The following PUS3 variants were observed in gnomAD, a reference collection of about 807,000 sequenced individuals.
PUS3 encodes tRNA pseudouridine(38/39) synthase.
Under a neutral mutation model 43.3 loss-of-function variants are expected in PUS3, and 36 were observed. The observed-to-expected ratio is 0.83, with a 90% CI of 0.64 to 1.10. The LOEUF (loss-of-function observed/expected upper bound fraction) is 1.10, where lower values mean the gene tolerates loss of function less well. PUS3 is among the 50% of genes least tolerant of loss of function. The pLI is 0.00. For missense variants in PUS3, 544 were observed against 589.9 expected (o/e 0.92, Z 0.81); for synonymous variants, 183 against 199.2 (o/e 0.92, Z 0.69).
intron 1 of PUS3, among the ~76,000 whole-genome samples, chr11:125,898,571 G>A (rs756383250): frequency 1.8e-4 from 27 of 151,966 alleles, no homozygotes; most frequent in Non-Finnish European, 2.8e-4. Flanking sequence ...CAGTTACTCC[G>A]GAGTCTTAGA....
chr11:125,900,516 T>C, intron 1 of PUS3: 1 of 496,616 alleles, frequency 2.0e-6, no homozygotes, highest in Non-Finnish European at 3.7e-6. Context: ...TCTTTCTATT[T>C]TGTCAAATTA....
chr11:125,895,449 G>C lies in PUS3; in HGVS notation c.719C>G (p.Thr240Ser). The change falls in exon 3 of 4, where the codon ACT becomes AGT. Residue 240 changes from threonine (T) to serine (S), a missense_variant. Transcript: ENST00000227474. The stretch of plus-strand genomic sequence containing the variant: ...TAGCTGTACTTGAGCAGATAGAATA[G>C]TCCTCTGAAAATTAATCACACCGTT... The part of the protein sequence containing the change: ...VANGVINFQR[T>S]ILSAQVQLVG... The C allele has an allele frequency of 6.2e-7, 1 of 1,614,104 alleles. No individual in the cohort carries two copies. The highest frequency in any genetic ancestry group is 8.5e-7 in the Non-Finnish European group (1 of 1,180,018).
intron 1 of PUS3, among the ~76,000 whole-genome samples, chr11:125,902,599 T>TAAAA (rs55792535): frequency 0.16 from 19,164 of 116,966 alleles, 1,969 homozygotes; most frequent in Admixed American, 0.24. Flanking sequence ...GCGACAGTCT[T>TAAAA]AAAAAAAAAA....
chr11:125,896,466 T>A, intron 1 of PUS3, 136 bp from the exon 2 acceptor site: 1 of 628,596 alleles, frequency 1.6e-6, no homozygotes, highest in Non-Finnish European at 2.7e-6. Context: ...AGCTTTATTG[T>A]GGGTTGATCA....
chr11:125,896,857 C>T (rs1166784893), intron 1 of PUS3, among the ~76,000 whole-genome samples: 1 of 152,064 alleles, frequency 6.6e-6, no homozygotes, highest in Non-Finnish European at 1.5e-5. Context: ...ACTGAAGAAG[C>T]TTACCGATGG....
Position 125,895,683 on chromosome 11 carries a change from T to G in PUS3, c.485A>C (p.His162Pro), listed in dbSNP as rs1944561133. ...NAAAEEIRYT[H>P]ILNRVLPPDI... is the part of the protein sequence containing the mutation. ...TGGAGGGAGTACCCGATTGAGAATG[T>G]GGGTATAACGGATCTCTTCAGCAGC... Residue 162 changes from histidine (H) to proline (P), a missense_variant, in exon 3 of 4, where the codon CAC becomes CCC. His to Pro is a moderately conservative substitution (Grantham distance 77). Coordinates refer to ENST00000227474, the MANE Select transcript of PUS3 (RefSeq NM_031307.4). 7 of 1,614,026 alleles carry G rather than the reference T, an allele frequency of 4.3e-6. No individual in the cohort carries two copies. In the East Asian group the frequency reaches 1.6e-4, roughly 36 times the overall value.
Position 125,899,031 on chromosome 11 carries a change from G to A in PUS3, c.-46-2701C>T, listed in dbSNP as rs529457. 212,023 of 253,528 alleles carry A rather than the reference G, an allele frequency of 0.84. 89,501 individuals carry two copies. Among genetic ancestry groups the A allele is most frequent in the Admixed American group, 0.9 (18,472 of 20,586 alleles). The allele number at this position is 253,528 out of a possible 1,614,324, so 15.7% of individuals were successfully genotyped here. A position where few individuals can be genotyped will look rare whatever the true frequency, so the allele number is the denominator to read the frequency against. ...TCCCTAAGTACCTGTTACATAATGTGCATTAAGCAGTATGCCCCATATCAT... is the reference window on the plus strand; with the variant it reads ...TCCCTAAGTACCTGTTACATAATGTACATTAAGCAGTATGCCCCATATCAT... On this transcript the variant is annotated intron_variant, in intron 1 of 3. Coordinates refer to ENST00000227474, the MANE Select transcript of PUS3 (RefSeq NM_031307.4).
Position 125,895,537 on chromosome 11 carries a change from A to G in PUS3, c.631T>C (p.Tyr211His), listed in dbSNP as rs1251498903. 1 of 1,614,206 alleles carries G rather than the reference A, an allele frequency of 6.2e-7. No homozygotes were observed. The highest frequency in any genetic ancestry group is 1.1e-5 in the South Asian group (1 of 91,088). Residue 211 changes from tyrosine to histidine, a missense_variant, in exon 3 of 4, where the codon TAT becomes CAT. By Grantham distance (83) the Tyr-to-His change is moderately conservative. Coordinates refer to ENST00000227474, the MANE Select transcript of PUS3 (RefSeq NM_031307.4). ...GTGCCAACATACTTCTGAGCTGCAT[A>G]ATCCATGGTTACAATATCTAAATCA... is the stretch of plus-strand genomic sequence containing the variant. ...RADLDIVTMD[Y>H]AAQKYVGTHD...
rs200193394 is a variant in PUS3, at chr11:125,894,073, T to C, written c.1158A>G (p.Thr386=). ...CGIGPKMDGM[T]EWGNVKPSVI... is the part of the protein sequence containing the mutation. The stretch of plus-strand genomic sequence containing the variant: ...CAGAGGGCTTAACATTTCCCCATTC[T>C]GTCATTCCATCCATCTTTGGTCCTA... Residue 386 remains threonine, a synonymous_variant, in exon 4 of 4, where the codon ACA becomes ACG. Coordinates refer to ENST00000227474, the MANE Select transcript of PUS3 (RefSeq NM_031307.4). 2.5e-6 allele frequency: 4 copies of C among 1,614,204 alleles called. No individual in the cohort carries two copies. The African/African-American group carries it at 4.0e-5, about 16-fold the overall frequency.
At chr11:125,899,544 G>T in intron 1 of PUS3, 1 of 1,614,122 alleles carries the variant, frequency 6.2e-7, no homozygotes, top group Non-Finnish European at 8.5e-7. Flanking sequence ...GTAGCCCCAG[G>T]GAAGCGACCT....
Position 125,896,257 on chromosome 11 carries a change from G to A in PUS3, c.28C>T (p.Gln10Ter). The A allele has an allele frequency of 6.2e-7, 1 of 1,612,150 alleles. No homozygotes were observed. The highest frequency in any genetic ancestry group is 8.5e-7 in the Non-Finnish European group (1 of 1,178,482). MAYNDTDRN[Q>*]TEKLLKRVRE... ...ACTCTTTTTAGGAGCTTCTCAGTCTGGTTTCTGTCTGTGTCATTATAAGCC... is the reference window on the plus strand; with the variant it reads ...ACTCTTTTTAGGAGCTTCTCAGTCTAGTTTCTGTCTGTGTCATTATAAGCC... Residue 10 changes from glutamine (Q) to a stop codon, truncating the protein, a stop_gained, in exon 2 of 4, where the codon CAG becomes TAG. Transcript: ENST00000227474. LOFTEE classifies it high-confidence loss of function.
At chr11:125,898,077 A>C (rs561252149) in intron 1 of PUS3, among the ~76,000 whole-genome samples, 1 of 152,202 alleles carries the variant, frequency 6.6e-6, no homozygotes, top group Non-Finnish European at 1.5e-5. Flanking sequence ...AGAGTTGTGT[A>C]GTGTTGTCCT....
chr11:125,900,073 G>A, intron 1 of PUS3: 1 of 1,614,194 alleles, frequency 6.2e-7, no homozygotes, highest in East Asian at 2.2e-5. Context: ...ATCATAGAAA[G>A]GAATTACGCT....
At chr11:125,901,580 C>T (rs1202330755) in intron 1 of PUS3, among the ~76,000 whole-genome samples, 5 of 152,156 alleles carry the variant, frequency 3.3e-5, no homozygotes, top group Non-Finnish European at 5.9e-5. Context: ...TGACCTTGAC[C>T]GTTACTATCT....
intron 1 of PUS3, among the ~76,000 whole-genome samples, chr11:125,898,821 GA>G (rs1328991632): frequency 6.6e-6 from 1 of 151,836 alleles, no homozygotes; most frequent in African/African-American, 2.4e-5. Context: ...GACTCAGTCT[GA>G]AGCCAAACTG....
chr11:125,901,987 A>G (rs1237837615), intron 1 of PUS3, among the ~76,000 whole-genome samples: 2 of 152,170 alleles, frequency 1.3e-5, no homozygotes, highest in Non-Finnish European at 2.9e-5. Context: ...TTAACATGCA[A>G]AACACTCCAG....
intron 1 of PUS3, among the ~76,000 whole-genome samples, chr11:125,901,002 C>CT (rs1944756275): frequency 1.4e-5 from 1 of 69,068 alleles, no homozygotes; most frequent in Admixed American, 1.7e-4. Flanking sequence ...CAGCGAGACT[C>CT]CGTCTCAAAA....
chr11:125,897,418 TAA>T (rs1436925381), intron 1 of PUS3, among the ~76,000 whole-genome samples: 2 of 149,250 alleles, frequency 1.3e-5, no homozygotes, highest in African/African-American at 5.0e-5. Flanking sequence ...CAGCAAAAAA[TAA>T]AAGGCAAATG....
chr11:125,894,098 A>G lies in PUS3; in HGVS notation c.1133T>C (p.Ile378Thr), dbSNP rs931186530. 8.1e-6 allele frequency: 13 copies of G among 1,614,002 alleles called. No individual in the cohort carries two copies. The Admixed American group carries it at 2.0e-4, about 25-fold the overall frequency. Residue 378 changes from isoleucine (I) to threonine (T), a missense_variant, in exon 4 of 4, where the codon ATA (isoleucine) becomes ACA (threonine). By Grantham distance (89) the Ile-to-Thr change is moderately conservative. Coordinates refer to ENST00000227474, the MANE Select transcript of PUS3 (RefSeq NM_031307.4). ...TGTCATTCCATCCATCTTTGGTCCTATTCCACAGGGTACTGGAACAGTGTC... is the reference window on the plus strand; with the variant it reads ...TGTCATTCCATCCATCTTTGGTCCTGTTCCACAGGGTACTGGAACAGTGTC... ...GLDTVPVPCG[I>T]GPKMDGMTEW...
Sources: allele counts gnomAD v4.1 joint callset (sites outside exome capture counted in the v4.1 genomes callset), GRCh38; gene constraint gnomAD v4.1.1; transcripts MANE v1.5; gene names NCBI Gene and HGNC (gene_info 2026-07-23, HGNC 2026-07-21).